LATS1: variants seen among roughly 807,000 people sequenced by gnomAD.
LATS1 encodes serine/threonine-protein kinase LATS1.
Under a neutral mutation model 106.6 loss-of-function variants are expected in LATS1, and 25 were observed. The ratio of observed to expected loss-of-function variants is 0.23; its 90% CI spans 0.17 to 0.33. The LOEUF is 0.33. Among genes scored for constraint, LATS1 ranks in the 10% least tolerant of loss-of-function variants. The probability of loss-of-function intolerance (pLI) is 1.00; values close to 1 mark genes in which losing one functional copy is unlikely to be tolerated. For missense variants in LATS1, 1,040 were observed against 1,382.6 expected, an observed-to-expected ratio of 0.75 and a Z score of 3.93; for synonymous variants, 465 against 455.6, an observed-to-expected ratio of 1.02 and a Z score of -0.26.
At chr6:149,709,793 A>G (rs1011556799) in intron 1 of LATS1, among the ~76,000 whole-genome samples, 1 of 148,224 alleles carries the variant, frequency 6.7e-6, no homozygotes, top group African/African-American at 2.5e-5. Flanking sequence ...CTCCTGCCTC[A>G]GCCTCCTGAG....
intron 3 of LATS1, among the ~76,000 whole-genome samples, chr6:149,689,971 TAA>T (rs148115943): frequency 1.4e-5 from 2 of 144,090 alleles, no homozygotes; most frequent in African/African-American, 2.5e-5. Context: ...AGTCTTTACT[TAA>T]AAAAAAAAAA....
At chr6:149,685,344 A>G (rs942210778) in intron 3 of LATS1, among the ~76,000 whole-genome samples, 2 of 152,088 alleles carry the variant, frequency 1.3e-5, no homozygotes, top group African/African-American at 4.8e-5. Context: ...GGGCGTATCT[A>G]TTTGTAATTT....
At chr6:149,710,095 T>C (rs1396655227) in intron 1 of LATS1, among the ~76,000 whole-genome samples, 1 of 152,188 alleles carries the variant, frequency 6.6e-6, no homozygotes, top group Non-Finnish European at 1.5e-5. Context: ...CTGGAAGCCA[T>C]CTGCTTCAAG....
Position 149,676,255 on chromosome 6 carries a change from C to G in LATS1, c.2883+5G>C. On this transcript the variant is annotated splice_donor_5th_base_variant and intron_variant, in intron 7 of 7. Coordinates refer to ENST00000543571, the MANE Select transcript of LATS1 (RefSeq NM_004690.4). ...AATTCTTTTGATATAGATGCCATAC[C>G]TTACCTTCATTTGTGTTTCTAATGG... 1 of 1,584,388 alleles carries G rather than the reference C, an allele frequency of 6.3e-7. No individual in the cohort carries two copies. The highest frequency in any genetic ancestry group is 8.7e-7 in the Non-Finnish European group (1 of 1,153,048).
chr6:149,673,383 G>A (rs988448229), intron 7 of LATS1, among the ~76,000 whole-genome samples: 2 of 151,860 alleles, frequency 1.3e-5, no homozygotes, highest in Non-Finnish European at 1.5e-5. Context: ...ACAGGCATGA[G>A]CTACCGCGCC....
chr6:149,707,307 CCCGG>C (rs1562356428), intron 1 of LATS1, among the ~76,000 whole-genome samples: 1 of 152,016 alleles, frequency 6.6e-6, no homozygotes, highest in East Asian at 1.9e-4. Context: ...AGCCACTGTG[CCCGG>C]CCGGACATCT....
intron 2 of LATS1, among the ~76,000 whole-genome samples, chr6:149,696,559 T>TA (rs372769091): frequency 0.27 from 12,436 of 45,722 alleles, 2,620 homozygotes; most frequent in East Asian, 0.35. Flanking sequence ...AACTCCGTCT[T>TA]AAAAAAAAAA....
intron 5 of LATS1, among the ~76,000 whole-genome samples, chr6:149,677,985 A>T (rs1456804057): frequency 1.3e-5 from 2 of 148,540 alleles, no homozygotes; most frequent in African/African-American, 2.5e-5. Flanking sequence ...GCGCCACTGC[A>T]CTCCAGCCTG....
chr6:149,665,806 C>T (rs761351991), intron 7 of LATS1, among the ~76,000 whole-genome samples: 2 of 152,044 alleles, frequency 1.3e-5, no homozygotes, highest in Non-Finnish European at 2.9e-5. Context: ...TGAACCCAAC[C>T]GGGTTTAATG....
chr6:149,715,847 T>C (rs1399176367), intron 1 of LATS1, among the ~76,000 whole-genome samples: 2 of 152,208 alleles, frequency 1.3e-5, no homozygotes, highest in Non-Finnish European at 2.9e-5. Flanking sequence ...ATTCAAATTA[T>C]TACTAGGCAA....
intron 1 of LATS1, among the ~76,000 whole-genome samples, chr6:149,710,980 T>G (rs373047121): frequency 2.8e-4 from 43 of 152,286 alleles, no homozygotes; most frequent in African/African-American, 8.9e-4. Flanking sequence ...GAGGCAGGAT[T>G]AAAAGACTGA....
chr6:149,676,211 G>C (rs576199155), intron 7 of LATS1, 49 bp downstream of exon 7: 1 of 1,252,250 alleles, frequency 8.0e-7, no homozygotes, highest in Admixed American at 1.7e-5. Context: ...AAAAGTCAAT[G>C]ATGTAGCAAC....
intron 5 of LATS1, among the ~76,000 whole-genome samples, chr6:149,677,293 AAAC>A (rs2114771523): frequency 2.0e-5 from 3 of 152,356 alleles, no homozygotes; most frequent in African/African-American, 7.2e-5. Context: ...AACCGTAAAA[AAAC>A]AAGAAGGACT....
chr6:149,690,227 T>C (rs1782659823), intron 3 of LATS1, among the ~76,000 whole-genome samples: 1 of 150,424 alleles, frequency 6.6e-6, no homozygotes, highest in Admixed American at 6.6e-5. Context: ...TTTTTTTTTT[T>C]TTTGAGACGG....
chr6:149,714,689 C>A (rs1398800341), intron 1 of LATS1, among the ~76,000 whole-genome samples: 1 of 152,002 alleles, frequency 6.6e-6, no homozygotes, highest in Non-Finnish European at 1.5e-5. Flanking sequence ...TAAAATTATA[C>A]ACACAATCAT....
intron 4 of LATS1, among the ~76,000 whole-genome samples, chr6:149,681,118 G>C (rs1234103483): frequency 6.6e-6 from 1 of 151,980 alleles, no homozygotes; most frequent in African/African-American, 2.4e-5. Context: ...AGAACAACCT[G>C]GTTGTTTACA....
In LATS1 at chr6:149,683,989, G is replaced by C. The variant is rs1276383398; in HGVS notation, c.1100C>G (p.Thr367Ser). The C allele has an allele frequency of 6.2e-7, 1 of 1,613,918 alleles. No homozygotes were observed. Among genetic ancestry groups the C allele is most frequent in the African/African-American group, 1.3e-5 (1 of 74,876 alleles). ...MIHQNVVPAG[T>S]VNRQPPPPYP... ...TGGAGGTGGTGGCTGCCGATTCACA[G>C]TGCCAGCAGGGACAACATTTTGGTG... is the stretch of plus-strand genomic sequence containing the variant. The change falls in exon 4 of 8, where the codon ACT becomes AGT. Residue 367 changes from threonine to serine, a missense_variant. Around this residue, in one of 7 missense-constraint regions of LATS1, gnomAD observed 624 missense variants for 714.8 expected, o/e 0.87. Transcript: ENST00000543571.
chr6:149,701,848 A>G lies in LATS1; in HGVS notation c.279T>C (p.Asn93=), dbSNP rs577318543. 2 of 1,614,190 alleles carry G rather than the reference A, an allele frequency of 1.2e-6. No individual in the cohort carries two copies. Among genetic ancestry groups the G allele is most frequent in the South Asian group, 2.2e-5 (2 of 91,080 alleles). ...TAACTTCTGAAGTACTCCGAGAAGA[A>G]TTTGTTTCATTTGCAAATGGAAGCA... ...NSLLPFANET[N]SSRSTSEVNP... The change falls in exon 2 of 8, where the codon AAT becomes AAC. Residue 93 remains asparagine, a synonymous_variant. Coordinates refer to ENST00000543571, the MANE Select transcript of LATS1 (RefSeq NM_004690.4).
rs1311390990 is a variant in LATS1, at chr6:149,717,954, A to G, written c.-246T>C. On this transcript the variant is annotated 5_prime_UTR_variant, in exon 1 of 8. Coordinates refer to ENST00000543571, the MANE Select transcript of LATS1 (RefSeq NM_004690.4). ...ACCCCAAGTATCCCTGGTGGGGCAG[A>G]GCGGGGAGACGAACGGGGGGGCTGC... is the stretch of plus-strand genomic sequence containing the variant. The G allele has an allele frequency of 2.8e-6, 1 of 362,092 alleles. No individual in the cohort carries two copies. The allele number at this position is 362,092 out of a possible 1,614,324, so 22.4% of individuals were successfully genotyped here. A position where few individuals can be genotyped will look rare whatever the true frequency, so the allele number is the denominator to read the frequency against.
Sources: allele counts gnomAD v4.1 joint callset (sites outside exome capture counted in the v4.1 genomes callset), GRCh38; gene constraint gnomAD v4.1.1; regional missense constraint gnomAD v4.1.1; transcripts MANE v1.5; gene names NCBI Gene and HGNC (gene_info 2026-07-23, HGNC 2026-07-21).